The following C8orf34 variants were observed in gnomAD, a reference collection of about 807,000 sequenced individuals.
The protein encoded by C8orf34 is chromosome 8 open reading frame 34, also known as uncharacterized protein C8orf34.
Under a neutral mutation model 68.3 loss-of-function variants are expected in C8orf34, and 65 were observed. That is an observed-to-expected ratio of 0.95 (90% CI 0.78 to 1.17). The LOEUF is 1.17. Among genes scored for constraint, C8orf34 ranks in the 50% most tolerant of loss-of-function variants. C8orf34 has a pLI of 0.00. For missense variants in C8orf34, 664 were observed against 655.4 expected (o/e 1.01, Z -0.14); for synonymous variants, 244 against 241.2 (o/e 1.01, Z -0.11).
intron 12 of C8orf34, among the ~76,000 whole-genome samples, chr8:68,799,074 C>T (rs1585901811): frequency 6.6e-6 from 1 of 152,116 alleles, no homozygotes; most frequent in Non-Finnish European, 1.5e-5. Context: ...TATTCTTTTA[C>T]AATGCATAAT....
At chr8:68,781,794 A>T (rs1823686569) in intron 11 of C8orf34, among the ~76,000 whole-genome samples, 2 of 152,350 alleles carry the variant, frequency 1.3e-5, no homozygotes, top group Admixed American at 1.3e-4. Flanking sequence ...TGATTACAAT[A>T]ATTCAACATT....
intron 8 of C8orf34, among the ~76,000 whole-genome samples, chr8:68,704,325 C>T (rs965016690): frequency 2.6e-5 from 4 of 151,864 alleles, no homozygotes; most frequent in South Asian, 4.2e-4. Flanking sequence ...AGAGGGATGG[C>T]GTGGTGGGGA....
chr8:68,682,291 A>C (rs1325895431), intron 8 of C8orf34, among the ~76,000 whole-genome samples: 1 of 152,138 alleles, frequency 6.6e-6, no homozygotes, highest in African/African-American at 2.4e-5. Context: ...ATTATTGTGC[A>C]TTTTATGCTT....
At chr8:68,725,093 C>T (rs1347567427) in intron 10 of C8orf34, among the ~76,000 whole-genome samples, 1 of 152,124 alleles carries the variant, frequency 6.6e-6, no homozygotes, top group Admixed American at 6.5e-5. Context: ...TCTTGAACTC[C>T]TGGATTCAGG....
rs185708388 is a variant in C8orf34 at position 68,547,518 on chromosome 8, C to T, written c.1105+14369C>T. On this transcript the variant is annotated intron_variant, in intron 7 of 13. Coordinates refer to ENST00000518698, the MANE Select transcript of C8orf34 (RefSeq NM_052958.4). ...AAAATAGAACAGAGGGAACACTTCTCGGATTGTTTGAAAACCACCATAGCT... is the reference window on the plus strand; with the variant it reads ...AAAATAGAACAGAGGGAACACTTCTTGGATTGTTTGAAAACCACCATAGCT... 2.7e-3 allele frequency among the ~76,000 whole-genome samples: 412 copies of T among 151,626 alleles called. 2 individuals are homozygous for T. Among genetic ancestry groups the T allele is most frequent in the African/African-American group, 9.5e-3 (392 of 41,458 alleles).
rs77040726 is a variant in C8orf34 at position 68,765,767 on chromosome 8, G to A, written c.1405-10632G>A. Among the ~76,000 whole-genome samples the A allele has an allele frequency of 8.6e-4, 131 of 152,266 alleles. 1 individual carries two copies. In the East Asian group the frequency reaches 0.023, roughly 27 times the overall value. On this transcript the variant is annotated intron_variant, in intron 10 of 13. Coordinates refer to ENST00000518698, the MANE Select transcript of C8orf34 (RefSeq NM_052958.4). ...GGTTGGAACCTTAATTCTGCAGATA[G>A]CATTTTCTCTAAATCACTTGTGTAA... is the stretch of plus-strand genomic sequence containing the variant.
intron 1 of C8orf34, among the ~76,000 whole-genome samples, chr8:68,359,367 G>T (rs554617725): frequency 6.6e-6 from 1 of 152,266 alleles, no homozygotes; most frequent in South Asian, 2.1e-4. Flanking sequence ...TGTTTTAGAT[G>T]ATTTAGTCTT....
At chr8:68,483,521 C>T (rs935837711) in intron 4 of C8orf34, among the ~76,000 whole-genome samples, 8 of 152,004 alleles carry the variant, frequency 5.3e-5, no homozygotes, top group African/African-American at 9.7e-5. Context: ...AACTGAAGTA[C>T]GATAGCATCA....
intron 12 of C8orf34, among the ~76,000 whole-genome samples, chr8:68,803,836 A>G (rs994551565): frequency 1.3e-5 from 2 of 152,052 alleles, no homozygotes; most frequent in African/African-American, 2.4e-5. Flanking sequence ...ACTGAATTAT[A>G]CTTTTTGTAG....
At chr8:68,620,562 C>T (rs1464748470) in intron 7 of C8orf34, among the ~76,000 whole-genome samples, 1 of 151,882 alleles carries the variant, frequency 6.6e-6, no homozygotes, top group African/African-American at 2.4e-5. Context: ...CTTCCCCTTA[C>T]AGCCAGATGC....
At chr8:68,406,792 A>C (rs962474214) in intron 1 of C8orf34, among the ~76,000 whole-genome samples, 6 of 152,226 alleles carry the variant, frequency 3.9e-5, no homozygotes, top group African/African-American at 1.4e-4. Context: ...ACCACGTCCG[A>C]CCTAGACCAG....
rs1298029851 is a variant in C8orf34 at position 68,721,378 on chromosome 8, G to A, written c.1345G>A (p.Glu449Lys). ...PDSFDSLPGT[E>K]EALMEEGDEF... is the part of the protein sequence containing the mutation. ...AAAAATAGATTCCTTGCCTGGGACT[G>A]AAGAAGCACTAATGGAGGAGGGTGA... is the stretch of plus-strand genomic sequence containing the variant. Residue 449 changes from glutamate (E) to lysine (K), a missense_variant, in exon 10 of 14, where the codon GAA (glutamate) becomes AAA (lysine). Glu to Lys is a moderately conservative substitution (Grantham distance 56). Transcript: ENST00000518698. The A allele has an allele frequency of 1.9e-6, 3 of 1,607,942 alleles. No homozygotes were observed. Among genetic ancestry groups the A allele is most frequent in the East Asian group, 2.2e-5 (1 of 44,688 alleles).
At chr8:68,668,017 C>A (rs1585700557) in intron 8 of C8orf34, among the ~76,000 whole-genome samples, 1 of 152,024 alleles carries the variant, frequency 6.6e-6, no homozygotes, top group East Asian at 1.9e-4. Context: ...TCTTGGAAGA[C>A]AGATATCTAA....
At chr8:68,481,317 CA>C (rs1812849121) in intron 4 of C8orf34, among the ~76,000 whole-genome samples, 1 of 150,928 alleles carries the variant, frequency 6.6e-6, no homozygotes, top group Admixed American at 6.6e-5. Flanking sequence ...GATGCCCAGG[CA>C]AAGATTGCTT....
chr8:68,439,300 A>G (rs1026053392), intron 1 of C8orf34, 199 bp from the exon 2 acceptor site: 3 of 460,360 alleles, frequency 6.5e-6, no homozygotes, highest in Admixed American at 3.9e-5. Context: ...AATATAGACA[A>G]TTTACTTCTC....
intron 1 of C8orf34, among the ~76,000 whole-genome samples, chr8:68,412,705 T>C (rs1301270965): frequency 6.6e-6 from 1 of 152,202 alleles, no homozygotes. Context: ...CAGCCACTCC[T>C]GTTACTGTTA....
At chr8:68,526,686 C>CGAAAAA (rs1815005495) in intron 6 of C8orf34, among the ~76,000 whole-genome samples, 1 of 133,252 alleles carries the variant, frequency 7.5e-6, no homozygotes, top group Admixed American at 7.5e-5. Flanking sequence ...TGACTGGAGT[C>CGAAAAA]AAAAAAAAAA....
intron 11 of C8orf34, among the ~76,000 whole-genome samples, chr8:68,781,201 G>A (rs1318902598): frequency 6.6e-6 from 1 of 152,078 alleles, no homozygotes; most frequent in African/African-American, 2.4e-5. Flanking sequence ...AACTTTCAGG[G>A]CCACATATGA....
intron 1 of C8orf34, among the ~76,000 whole-genome samples, chr8:68,382,639 C>T (rs1463494287): frequency 6.6e-6 from 1 of 152,156 alleles, no homozygotes; most frequent in Non-Finnish European, 1.5e-5. Context: ...CCCTGTGACA[C>T]CATGCTCCCT....
Sources: allele counts gnomAD v4.1 joint callset (sites outside exome capture counted in the v4.1 genomes callset), GRCh38; gene constraint gnomAD v4.1.1; transcripts MANE v1.5; gene names NCBI Gene and HGNC (gene_info 2026-07-23, HGNC 2026-07-21).